Variants in BUD13 observed in about 807,000 individuals in gnomAD.
The protein encoded by BUD13 is BUD13 spliceosome associated protein.
Under a neutral mutation model 62.5 loss-of-function variants are expected in BUD13, and 47 were observed. That is an observed-to-expected ratio of 0.75 (90% CI 0.60 to 0.96). The LOEUF is 0.96. Ranked by LOEUF, BUD13 falls within the 40% of genes least tolerant of loss-of-function variation. The probability of loss-of-function intolerance (pLI) is 0.00; values close to 1 mark genes in which losing one functional copy is unlikely to be tolerated. For synonymous variants in BUD13, 293 were observed against 280.1 expected (o/e 1.05, Z -0.46); for missense variants, 821 against 790.9 (o/e 1.04, Z -0.46).
intron 5 of BUD13, among the ~76,000 whole-genome samples, chr11:116,759,527 T>A (rs1940392990): frequency 6.6e-6 from 1 of 152,196 alleles, no homozygotes; most frequent in Non-Finnish European, 1.5e-5. Flanking sequence ...AGACCCATAC[T>A]GATAAAATAT....
chr11:116,768,542 T>G (rs1940569921), intron 2 of BUD13, among the ~76,000 whole-genome samples: 1 of 152,190 alleles, frequency 6.6e-6, no homozygotes, highest in African/African-American at 2.4e-5. Flanking sequence ...CTTTTTTTAA[T>G]TCCCAAATAT....
intron 9 of BUD13, 71 bp from the exon 10 acceptor site, chr11:116,748,646 A>C (rs1591293558): frequency 1.4e-6 from 2 of 1,412,872 alleles, no homozygotes; most frequent in Non-Finnish European, 2.0e-6. Context: ...GAAAGGGAAG[A>C]GTTCACAATA....
At chr11:116,757,660 A>G (rs1940353259) in intron 8 of BUD13, 106 bp downstream of exon 8, 8 of 1,315,890 alleles carry the variant, frequency 6.1e-6, no homozygotes, top group Non-Finnish European at 8.4e-6. Context: ...AATACAATGA[A>G]TTTAAATTAT....
intron 3 of BUD13, 131 bp from the exon 4 acceptor site, chr11:116,763,397 C>G (rs977351152): frequency 9.2e-5 from 69 of 749,012 alleles, no homozygotes; most frequent in Non-Finnish European, 1.2e-4. Context: ...AAGGCCTGCA[C>G]AGTTTTCTTG....
At chr11:116,770,049 TC>T (rs1940595412) in intron 2 of BUD13, 79 bp downstream of exon 2, 2 of 1,022,772 alleles carry the variant, frequency 2.0e-6, no homozygotes, top group Non-Finnish European at 1.4e-6. Context: ...AGAGCGAGAC[TC>T]CGTCTCAAAA....
At position 116,753,565 on chromosome 11, in the gene BUD13, G is replaced by C. The variant is rs541603529; in HGVS notation, c.1766+3581C>G. Among the ~76,000 whole-genome samples, 67 of 152,266 alleles carry C rather than the reference G, an allele frequency of 4.4e-4. No individual in the cohort carries two copies. In the South Asian group the frequency reaches 0.013, roughly 29 times the overall value. On this transcript the variant is annotated intron_variant, in intron 9 of 9. Transcript: ENST00000260210. ...CTCTACAGTGTATCATTCATGATGC[G>C]TAGTAACAATTTTAAAAAGTGACCA...
chr11:116,772,382 T>A (rs1003436219), intron 1 of BUD13, among the ~76,000 whole-genome samples: 4 of 152,236 alleles, frequency 2.6e-5, no homozygotes, highest in African/African-American at 7.2e-5. Flanking sequence ...ACGTTAGGAC[T>A]ATTACTAAGA....
At chr11:116,759,685 C>T (rs1342833661) in intron 5 of BUD13, among the ~76,000 whole-genome samples, 3 of 152,190 alleles carry the variant, frequency 2.0e-5, no homozygotes, top group African/African-American at 7.2e-5. Context: ...ATGAAGCACA[C>T]AGTATATCTT....
At chr11:116,761,924 C>T (rs1361551910) in intron 4 of BUD13, among the ~76,000 whole-genome samples, 1 of 151,976 alleles carries the variant, frequency 6.6e-6, no homozygotes, top group African/African-American at 2.4e-5. Flanking sequence ...AGTTGAATTT[C>T]GAGGAAATCT....
chr11:116,770,056 CAAAAAA>C, intron 2 of BUD13, 67 bp downstream of exon 2: 15 of 853,064 alleles, frequency 1.8e-5, no homozygotes, highest in Admixed American at 3.5e-5. Context: ...GACTCCGTCT[CAAAAAA>C]AAAAAAAAAA....
Position 116,757,849 on chromosome 11 carries a change from A to G in BUD13, c.1601T>C (p.Met534Thr), listed in dbSNP as rs1248507098. Residue 534 changes from methionine to threonine, a missense_variant, in exon 8 of 10, where the codon ATG becomes ACG. Met to Thr is a moderately conservative substitution (Grantham distance 81). Coordinates refer to ENST00000260210, the MANE Select transcript of BUD13 (RefSeq NM_032725.4). Reference protein sequence around the residue: ...RYIDDEDLDRMLREQEREGDP... With the variant: ...RYIDDEDLDRTLREQEREGDP... ...CCCCTCTCTTTCCTGTTCTCTTAGC[A>G]TCCTATCCAGATCTTCGTCATCAAT... 6.2e-7 allele frequency: 1 copy of G among 1,614,078 alleles called. No homozygotes were observed. Among genetic ancestry groups the G allele is most frequent in the South Asian group, 1.1e-5 (1 of 91,084 alleles).
rs151084467 is a variant in BUD13 at position 116,760,884 on chromosome 11, C to G, written c.1105G>C (p.Asp369His). 1.2e-6 allele frequency: 2 copies of G among 1,613,960 alleles called. No homozygotes were observed. Among genetic ancestry groups the G allele is most frequent in the African/African-American group, 2.7e-5 (2 of 74,892 alleles). Residue 369 changes from aspartate (D) to histidine (H), a missense_variant, in exon 5 of 10, where the codon GAT becomes CAT. Around this residue, in one of 2 missense-constraint regions of BUD13, gnomAD observed 800 missense variants for 739.2 expected, o/e 1.08. Coordinates refer to ENST00000260210, the MANE Select transcript of BUD13 (RefSeq NM_032725.4). ...GGAGGTGACAGATCTGAATCAGAAT[C>G]CTGGTGCCCTGGACTTTGTTTATGC... ...PRHKQSPGHQ[D>H]SDSDLSPPRN...
At chr11:116,760,505 G>A (rs1940409677) in intron 5 of BUD13, among the ~76,000 whole-genome samples, 1 of 152,212 alleles carries the variant, frequency 6.6e-6, no homozygotes, top group African/African-American at 2.4e-5. Context: ...AGAATTAAGA[G>A]GCTATAAACG....
intron 5 of BUD13, 114 bp from the exon 6 acceptor site, chr11:116,759,293 A>G: frequency 1.5e-6 from 1 of 663,144 alleles, no homozygotes; most frequent in Non-Finnish European, 2.7e-6. Flanking sequence ...TAAACCTAAA[A>G]CTCTAGCTTT....
Position 116,762,651 on chromosome 11 carries a change from G to A in BUD13, c.938C>T (p.Pro313Leu). 2 of 1,614,144 alleles carry A rather than the reference G, an allele frequency of 1.2e-6. No homozygotes were observed. Among genetic ancestry groups the A allele is most frequent in the Non-Finnish European group, 1.7e-6 (2 of 1,180,018 alleles). Reference protein sequence around the residue: ...KESGASHLSFPKNSKYEYDPD... With the variant: ...KESGASHLSFLKNSKYEYDPD... The stretch of plus-strand genomic sequence containing the variant: ...GTCATACTCATATTTGCTGTTCTTT[G>A]GGAATGACAAATGGGAGGCTCCTGA... The change falls in exon 4 of 10, where the codon CCA becomes CTA. Residue 313 changes from proline to leucine, a missense_variant. This residue lies in a region of BUD13 where 800 missense variants were observed against 739.2 expected (regional missense o/e 1.08). Coordinates refer to ENST00000260210, the MANE Select transcript of BUD13 (RefSeq NM_032725.4).
At chr11:116,763,416 C>G (rs2134180734) in intron 3 of BUD13, 150 bp from the exon 4 acceptor site, 1 of 597,702 alleles carries the variant, frequency 1.7e-6, no homozygotes, top group Non-Finnish European at 2.7e-6. Context: ...TGCTTAGGGG[C>G]AGCAAACCAC....
chr11:116,767,561 C>G (rs1407395161), intron 2 of BUD13, among the ~76,000 whole-genome samples: 1 of 143,490 alleles, frequency 7.0e-6, no homozygotes, highest in Non-Finnish European at 1.5e-5. Flanking sequence ...CCACTGCACT[C>G]CAGCCTGGGC....
In BUD13 at chr11:116,757,306, C is replaced by CA. The variant is rs1940344760; in HGVS notation, c.1685-80_1685-79insT. ...AGCTGGATGGCAATGTGGAATTTTC[C>CA]TTTTTTTTTAGTAGAGTCTCACTCT... On this transcript the variant is annotated intron_variant, in intron 8 of 9. Coordinates refer to ENST00000260210, the MANE Select transcript of BUD13 (RefSeq NM_032725.4). The CA allele has an allele frequency of 2.3e-6, 3 of 1,327,400 alleles. No homozygotes were observed. The South Asian group carries it at 3.8e-5, about 17-fold the overall frequency. The allele number at this position is 1,327,400 out of a possible 1,614,324, so 82.2% of individuals were successfully genotyped here.
At position 116,763,139 on chromosome 11, in the gene BUD13, T is replaced by C; in HGVS notation, c.450A>G (p.Pro150=). ...TGTCATGACGGGCCCTCCTAGGAGA[T>C]GGATCCGGGGTGTCATGACGGTCCT... ...PRKDRHDTPD[P]SPRRARHDTP... is the part of the protein sequence containing the mutation. The change falls in exon 4 of 10, where the codon CCA becomes CCG. Residue 150 remains proline (P), a synonymous_variant. Coordinates refer to ENST00000260210, the MANE Select transcript of BUD13 (RefSeq NM_032725.4). The C allele has an allele frequency of 6.3e-7, 1 of 1,597,218 alleles. No individual in the cohort carries two copies. The highest frequency in any genetic ancestry group is 1.1e-5 in the South Asian group (1 of 90,170).
Sources: allele counts gnomAD v4.1 joint callset (sites outside exome capture counted in the v4.1 genomes callset), GRCh38; gene constraint gnomAD v4.1.1; regional missense constraint gnomAD v4.1.1; transcripts MANE v1.5; gene names NCBI Gene and HGNC (gene_info 2026-07-23, HGNC 2026-07-21).